Variants in DYM observed in about 807,000 individuals in gnomAD.
DYM encodes dyggve-Melchior-Clausen syndrome protein.
In DYM, 78 loss-of-function variants were observed where a neutral mutation model predicts 93.1. The observed-to-expected ratio is 0.84, with a 90% CI of 0.70 to 1.01. DYM has a LOEUF of 1.01. DYM is among the 50% of genes least tolerant of loss of function. The pLI, the probability that DYM is intolerant of heterozygous loss-of-function variation, is 0.00. For missense variants in DYM, 789 were observed against 845.0 expected (o/e 0.93, Z 0.82); for synonymous variants, 321 against 319.7 (o/e 1.00, Z -0.04).
chr18:49,303,048 C>A (rs1280073296), intron 8 of DYM, among the ~76,000 whole-genome samples: 1 of 152,208 alleles, frequency 6.6e-6, no homozygotes, highest in Non-Finnish European at 1.5e-5. Context: ...TTCTCTCCCA[C>A]TCCTTCATCC....
At chr18:49,111,715 G>A (rs1373892977) in intron 16 of DYM, among the ~76,000 whole-genome samples, 1 of 152,162 alleles carries the variant, frequency 6.6e-6, no homozygotes, top group Non-Finnish European at 1.5e-5. Context: ...CTGGGTCCCA[G>A]AGCAGGGTGT....
intron 14 of DYM, among the ~76,000 whole-genome samples, chr18:49,207,584 C>T (rs1209591088): frequency 1.3e-5 from 2 of 152,200 alleles, no homozygotes; most frequent in East Asian, 3.9e-4. Context: ...CTCACCCAAT[C>T]AGCTGAAGCT....
chr18:49,318,456 A>T lies in DYM; in HGVS notation c.763+13408T>A, dbSNP rs147463295. Among the ~76,000 whole-genome samples, 550 of 151,878 alleles carry T rather than the reference A, an allele frequency of 3.6e-3. 1 individual carries two copies. Among genetic ancestry groups the T allele is most frequent in the African/African-American group, 0.012 (510 of 41,414 alleles). ...AAAATGATGAAACACCATCTCTACT[A>T]AAAAAAATTACAAAAATTAATTGGG... On this transcript the variant is annotated intron_variant, in intron 8 of 17. Transcript: ENST00000675505.
At chr18:49,114,966 AG>A (rs2145915902) in intron 16 of DYM, among the ~76,000 whole-genome samples, 1 of 152,332 alleles carries the variant, frequency 6.6e-6, no homozygotes, top group East Asian at 1.9e-4. Context: ...GAATGTGTAT[AG>A]TGGTTAGGCA....
chr18:49,380,966 C>A (rs1246930801), intron 3 of DYM, among the ~76,000 whole-genome samples: 1 of 152,058 alleles, frequency 6.6e-6, no homozygotes, highest in Non-Finnish European at 1.5e-5. Context: ...CATTCTTATG[C>A]AGATCTGGGA....
At chr18:49,393,097 GA>G (rs2069569404) in intron 2 of DYM, among the ~76,000 whole-genome samples, 1 of 1,216 alleles carries the variant, frequency 8.2e-4, no homozygotes, top group African/African-American at 2.3e-3. Context: ...GGGAGGGAAG[GA>G]AGGAAGGAAG....
Position 49,423,544 on chromosome 18 carries a change from C to T in DYM, c.140+6711G>A, listed in dbSNP as rs555320616. On this transcript the variant is annotated intron_variant, in intron 2 of 17. Transcript: ENST00000675505. ...GCAGAAGGCAAGAAATAACTAAGAT[C>T]GGAGCAGAACTGAAGGAGATAGAGA... Among the ~76,000 whole-genome samples the T allele has an allele frequency of 3.8e-4, 58 of 152,118 alleles. 1 individual carries two copies. The highest frequency in any genetic ancestry group is 3.4e-3 in the Middle Eastern group (1 of 294).
chr18:49,146,303 C>G (rs1158458045), intron 15 of DYM, among the ~76,000 whole-genome samples: 1 of 152,218 alleles, frequency 6.6e-6, no homozygotes, highest in East Asian at 1.9e-4. Context: ...GATGCCTTCT[C>G]TCACCACTCC....
rs1303017580 is a variant in DYM at position 49,040,492 on chromosome 18, T to C, written c.*3563A>G. Among the ~76,000 whole-genome samples, 1 of 152,248 alleles carries C rather than the reference T, an allele frequency of 6.6e-6. No individual in the cohort carries two copies. The highest frequency in any genetic ancestry group is 1.9e-4 in the East Asian group (1 of 5,198). On this transcript the variant is annotated 3_prime_UTR_variant, in exon 18 of 18. Transcript: ENST00000675505. ...ATTATTTGCTGTGGATTGTGTGTTATAATCTACTTCTCAGTTCTTCATATG... is the reference window on the plus strand; with the variant it reads ...ATTATTTGCTGTGGATTGTGTGTTACAATCTACTTCTCAGTTCTTCATATG...
At chr18:49,273,696 C>G (rs2094772554) in intron 10 of DYM, among the ~76,000 whole-genome samples, 1 of 152,108 alleles carries the variant, frequency 6.6e-6, no homozygotes, top group African/African-American at 2.4e-5. Context: ...TAGTTAGGCT[C>G]TACGATCTAG....
At chr18:49,419,912 C>T (rs1447792606) in intron 2 of DYM, among the ~76,000 whole-genome samples, 2 of 152,152 alleles carry the variant, frequency 1.3e-5, no homozygotes, top group Non-Finnish European at 2.9e-5. Context: ...TCATGCTCTC[C>T]ATTTCGCCCT....
At chr18:49,317,097 C>G (rs1014070717) in intron 8 of DYM, among the ~76,000 whole-genome samples, 1 of 152,136 alleles carries the variant, frequency 6.6e-6, no homozygotes, top group African/African-American at 2.4e-5. Context: ...TGTCAACTGT[C>G]ACAAATGTAG....
rs2067871675 is a variant in DYM at position 49,379,822 on chromosome 18, A to C, written c.194-64T>G. ...GAACTAAAATCAAAGTGAGCTTATC[A>C]TAACATTTATAAAACCAAATGTCAT... is the stretch of plus-strand genomic sequence containing the variant. On this transcript the variant is annotated intron_variant, in intron 3 of 17. Coordinates refer to ENST00000675505, the MANE Select transcript of DYM (RefSeq NM_001353214.3). 2.3e-6 allele frequency: 3 copies of C among 1,299,516 alleles called. No homozygotes were observed. The Admixed American group carries it at 5.1e-5, about 22-fold the overall frequency. 80.5% of individuals were successfully genotyped at this position (1,299,516 alleles called of 1,614,324 possible). A position where few individuals can be genotyped will look rare whatever the true frequency, so the allele number is the denominator to read the frequency against.
At chr18:49,448,429 T>A (rs1245328267) in intron 1 of DYM, among the ~76,000 whole-genome samples, 1 of 152,210 alleles carries the variant, frequency 6.6e-6, no homozygotes, top group Non-Finnish European at 1.5e-5. Flanking sequence ...CCAACTATTA[T>A]GTAGTTTTTC....
At chr18:49,319,899 T>C (rs2062332140) in intron 8 of DYM, among the ~76,000 whole-genome samples, 1 of 152,188 alleles carries the variant, frequency 6.6e-6, no homozygotes, top group Admixed American at 6.5e-5. Context: ...CCATGATGAA[T>C]GGCACTCTGC....
chr18:49,168,076 AAAC>A (rs536531031), intron 14 of DYM, among the ~76,000 whole-genome samples: 67 of 152,300 alleles, frequency 4.4e-4, no homozygotes, highest in African/African-American at 1.4e-3. Flanking sequence ...TTAAAATGAA[AAAC>A]AATATTACAC....
At chr18:49,333,016 T>C (rs12606458) in intron 7 of DYM, among the ~76,000 whole-genome samples, 12,165 of 152,188 alleles carry the variant, frequency 0.08, 770 homozygotes, top group East Asian at 0.31. Flanking sequence ...TCAAAGAACA[T>C]ACATGCCACA....
At chr18:49,249,724 G>A (rs1488292092) in intron 13 of DYM, among the ~76,000 whole-genome samples, 3 of 152,134 alleles carry the variant, frequency 2.0e-5, no homozygotes, top group African/African-American at 7.2e-5. Context: ...GGCAGGAAAA[G>A]GCAACTCATA....
chr18:49,284,681 G>T (rs928497476), intron 9 of DYM, among the ~76,000 whole-genome samples: 1 of 152,164 alleles, frequency 6.6e-6, no homozygotes, highest in Admixed American at 6.5e-5. Flanking sequence ...TAGAGGTATG[G>T]TGTGAAGCCA....
Sources: gnomAD v4.1 joint callset for allele counts (sites outside exome capture counted in the v4.1 genomes callset) on GRCh38, gnomAD v4.1.1 for gene constraint, MANE v1.5 for transcripts, NCBI Gene and HGNC (gene_info 2026-07-23, HGNC 2026-07-21) for gene names.